The following CAMK4 variants were observed in gnomAD, a reference collection of about 807,000 sequenced individuals.
The protein encoded by CAMK4 is calcium/calmodulin-dependent protein kinase type IV.
Under a neutral mutation model 44.9 loss-of-function variants are expected in CAMK4, and 22 were observed. That is an observed-to-expected ratio of 0.49 (90% CI 0.35 to 0.70). The LOEUF is 0.70. Among genes scored for constraint, CAMK4 ranks in the 30% least tolerant of loss-of-function variants. The probability of loss-of-function intolerance (pLI) is 0.01; values close to 1 mark genes in which losing one functional copy is unlikely to be tolerated. For missense variants in CAMK4, 498 were observed against 586.8 expected (o/e 0.85, Z 1.56); for synonymous variants, 218 against 215.4 (o/e 1.01, Z -0.11).
intron 1 of CAMK4, among the ~76,000 whole-genome samples, chr5:111,255,714 C>T (rs1459725171): frequency 6.6e-6 from 1 of 152,148 alleles, no homozygotes; most frequent in Non-Finnish European, 1.5e-5. Context: ...CATTATTTGT[C>T]TTTGTAGTCT....
intron 2 of CAMK4, among the ~76,000 whole-genome samples, chr5:111,353,278 G>A (rs907350150): frequency 2.0e-5 from 3 of 151,752 alleles, no homozygotes; most frequent in Admixed American, 1.3e-4. Context: ...GGTTTCTGAG[G>A]CTCAGAGAGG....
rs1329528511 is a variant in CAMK4, at chr5:111,488,321, A to G, written c.*3855A>G. On this transcript the variant is annotated 3_prime_UTR_variant, in exon 11 of 11. Transcript: ENST00000282356. ...CTGGCATTTTTTAAGATTTCCTTAG[A>G]AGGGTTTAATCAACACTGCCATTAC... 6.6e-6 allele frequency: 1 copy of G among 152,174 alleles called. No homozygotes were observed. Among genetic ancestry groups the G allele is most frequent in the East Asian group, 1.9e-4 (1 of 5,206 alleles). 9.4% of individuals were successfully genotyped at this position (152,174 alleles called of 1,614,324 possible).
chr5:111,248,042 C>T (rs1463989836), intron 1 of CAMK4, among the ~76,000 whole-genome samples: 1 of 152,160 alleles, frequency 6.6e-6, no homozygotes, highest in Non-Finnish European at 1.5e-5. Context: ...GATTATCTCA[C>T]TGGACTAGTG....
intron 2 of CAMK4, among the ~76,000 whole-genome samples, chr5:111,366,970 A>G (rs538153727): frequency 1.8e-4 from 28 of 151,896 alleles, no homozygotes; most frequent in Admixed American, 5.9e-4. Context: ...CAGGTGCCCA[A>G]TCCATTTGAT....
intron 2 of CAMK4, among the ~76,000 whole-genome samples, chr5:111,373,212 C>G (rs553445257): frequency 1.6e-4 from 24 of 152,214 alleles, no homozygotes; most frequent in African/African-American, 5.8e-4. Flanking sequence ...TTGCAGTTTA[C>G]CATGACTTTA....
In CAMK4 at chr5:111,492,601, A is replaced by G. The variant is rs1755891156; in HGVS notation, c.*8135A>G. The G allele has an allele frequency of 6.6e-6, 1 of 152,198 alleles. No individual in the cohort carries two copies. Among genetic ancestry groups the G allele is most frequent in the African/African-American group, 2.4e-5 (1 of 41,448 alleles). The allele number at this position is 152,198 out of a possible 1,614,324, so 9.4% of individuals were successfully genotyped here. Reference sequence around the variant, plus strand: ...ATGTTTCTCCCAGAAACTAAACAACATAGTTTAGGGGATATTAGGCCTACA... The same window carrying G: ...ATGTTTCTCCCAGAAACTAAACAACGTAGTTTAGGGGATATTAGGCCTACA... On this transcript the variant is annotated 3_prime_UTR_variant, in exon 11 of 11. Transcript: ENST00000282356.
intron 5 of CAMK4, among the ~76,000 whole-genome samples, chr5:111,418,180 C>G (rs1011922404): frequency 1.3e-5 from 2 of 152,128 alleles, no homozygotes; most frequent in African/African-American, 4.8e-5. Context: ...GCTGGGCATC[C>G]AGGGGAGACA....
In CAMK4 at chr5:111,432,622, G is replaced by GTA. The variant is rs766902820; in HGVS notation, c.460-14051_460-14050dup. 3.0e-3 allele frequency among the ~76,000 whole-genome samples: 428 copies of GTA among 142,238 alleles called. 4 individuals are homozygous for GTA. The highest frequency in any genetic ancestry group is 8.1e-3 in the African/African-American group (303 of 37,480). The allele number at this position is 142,238 out of a possible 152,430, so 93.3% of individuals were successfully genotyped here. ...TCATGTACCTCATATATATGTGTGT[G>GTA]TATATATATATATACATATATATAT... On this transcript the variant is annotated intron_variant, in intron 5 of 10. Coordinates refer to ENST00000282356, the MANE Select transcript of CAMK4 (RefSeq NM_001744.6).
chr5:111,396,631 C>CTTTTTTTTTTTTTT lies in CAMK4; in HGVS notation c.459+1863_459+1876dup, dbSNP rs540495109. Among the ~76,000 whole-genome samples the CTTTTTTTTTTTTTT allele has an allele frequency of 6.0e-3, 284 of 47,026 alleles. 57 individuals carry two copies. Among genetic ancestry groups the CTTTTTTTTTTTTTT allele is most frequent in the Non-Finnish European group, 6.6e-3 (184 of 27,870 alleles). 30.9% of individuals were successfully genotyped at this position (47,026 alleles called of 152,430 possible). On this transcript the variant is annotated intron_variant, in intron 5 of 10. Coordinates refer to ENST00000282356, the MANE Select transcript of CAMK4 (RefSeq NM_001744.6). Reference sequence around the variant, plus strand: ...ACTTTAATTGCCATTAACTCATATTCTTTTTTTTTTTTTTTTTTTTTTTTT... The same window carrying CTTTTTTTTTTTTTT: ...ACTTTAATTGCCATTAACTCATATTCTTTTTTTTTTTTTTTTTTTTTTTTTTTTTTTTTTTTTTT...
At chr5:111,460,271 C>CTT (rs369690377) in intron 7 of CAMK4, among the ~76,000 whole-genome samples, 1 of 131,586 alleles carries the variant, frequency 7.6e-6, no homozygotes, top group Admixed American at 8.0e-5. Context: ...TTTTCTTTTT[C>CTT]TTTTTTTTTT....
At chr5:111,238,107 G>GT (rs766697486) in intron 1 of CAMK4, among the ~76,000 whole-genome samples, 6 of 152,304 alleles carry the variant, frequency 3.9e-5, no homozygotes, top group Non-Finnish European at 5.9e-5. Flanking sequence ...CTGAGGGGCA[G>GT]AAGGGAGGCC....
intron 1 of CAMK4, among the ~76,000 whole-genome samples, chr5:111,328,487 G>A (rs374894920): frequency 5.6e-4 from 85 of 152,058 alleles, no homozygotes; most frequent in East Asian, 3.9e-3. Flanking sequence ...GTGACTTGGC[G>A]ATGCGGGCTC....
chr5:111,479,138 C>G (rs1463635629), intron 9 of CAMK4, among the ~76,000 whole-genome samples: 2 of 152,162 alleles, frequency 1.3e-5, no homozygotes, highest in Non-Finnish European at 2.9e-5. Context: ...TGTGGCCTCC[C>G]AAAGTGCTGG....
intron 5 of CAMK4, among the ~76,000 whole-genome samples, chr5:111,415,014 A>C (rs1331390183): frequency 1.3e-5 from 2 of 151,978 alleles, no homozygotes; most frequent in Non-Finnish European, 2.9e-5. Flanking sequence ...AGTCTTAGAC[A>C]AAAAAAAGAA....
chr5:111,226,615 A>C (rs1383535174), intron 1 of CAMK4, among the ~76,000 whole-genome samples: 2 of 152,258 alleles, frequency 1.3e-5, no homozygotes, highest in Non-Finnish European at 2.9e-5. Context: ...CCTATTTTAT[A>C]ATAACTGTTA....
chr5:111,466,183 A>G (rs58871022), intron 7 of CAMK4, among the ~76,000 whole-genome samples: 1,773 of 152,334 alleles, frequency 0.012, 29 homozygotes, highest in African/African-American at 0.04. Context: ...CAAAATCAGC[A>G]TAGAAGGGTC....
rs1383806156 is a variant in CAMK4, at chr5:111,261,827, TG to T, written c.161+37187del. ...CCCTTGTGAACCAGTTTAGGCTCTC[TG>T]GGGCTGGGATATGTGCCAATCTGGG... On this transcript the variant is annotated intron_variant, in intron 1 of 10. Transcript: ENST00000282356. 2.6e-5 allele frequency among the ~76,000 whole-genome samples: 4 copies of T among 152,154 alleles called. No individual in the cohort carries two copies. The South Asian group carries it at 8.3e-4, about 32-fold the overall frequency.
chr5:111,379,127 T>C (rs1751321895), intron 4 of CAMK4, among the ~76,000 whole-genome samples: 1 of 152,176 alleles, frequency 6.6e-6, no homozygotes, highest in South Asian at 2.1e-4. Context: ...TTATGGTCTA[T>C]CAGTGAGAAC....
intron 1 of CAMK4, among the ~76,000 whole-genome samples, chr5:111,248,962 C>T (rs968493434): frequency 6.6e-5 from 9 of 135,992 alleles, no homozygotes; most frequent in African/African-American, 8.6e-5. Flanking sequence ...ATTGCGGGGG[C>T]GGTGTGTGGG....
Sources: allele counts gnomAD v4.1 joint callset (sites outside exome capture counted in the v4.1 genomes callset), GRCh38; gene constraint gnomAD v4.1.1; transcripts MANE v1.5; gene names NCBI Gene and HGNC (gene_info 2026-07-23, HGNC 2026-07-21).